The following BCOR variants were observed in gnomAD, a reference collection of about 807,000 sequenced individuals.
BCOR encodes the protein BCL6 corepressor.
BCOR carries 10 observed loss-of-function variants against 86.7 expected under a neutral mutation model. That is an observed-to-expected ratio of 0.12 (90% CI 0.07 to 0.20). The LOEUF (loss-of-function observed/expected upper bound fraction) is 0.20, where lower values mean the gene tolerates loss of function less well. Ranked by LOEUF, BCOR falls within the 10% of genes least tolerant of loss-of-function variation. The pLI, the probability that BCOR is intolerant of heterozygous loss-of-function variation, is 1.00. For missense variants in BCOR, 1,259 were observed against 1,452.1 expected, an observed-to-expected ratio of 0.87 and a Z score of 2.16; for synonymous variants, 611 against 609.0, an observed-to-expected ratio of 1.00 and a Z score of -0.05.
At chrX:40,152,544 G>A (rs1385351793) in intron 1 of BCOR, among the ~76,000 whole-genome samples, 2 of 113,056 alleles carry the variant, frequency 1.8e-5, no homozygotes, top group Non-Finnish European at 3.8e-5. Context: ...AAACAGCCGC[G>A]TGCACGCCCT....
At chrX:40,125,046 A>G (rs1937523751) in intron 1 of BCOR, among the ~76,000 whole-genome samples, 1 of 108,489 alleles carries the variant, frequency 9.2e-6, no homozygotes, top group African/African-American at 3.4e-5. Flanking sequence ...GTTGGGGAGG[A>G]GGGCATAAAA....
rs183417527 is a variant in BCOR, at chrX:40,069,645, G to A, written c.3238+1328C>T. ...TAGAAGCACCTTCCCCATCAACTCG[G>A]CCTTGCCCACTTCTCCCAGGTCCCT... On this transcript the variant is annotated intron_variant, in intron 6 of 14. Coordinates refer to ENST00000378444, the MANE Select transcript of BCOR (RefSeq NM_001123385.2). Among the ~76,000 whole-genome samples, 4 of 112,431 alleles carry A rather than the reference G, an allele frequency of 3.6e-5. No individual in the cohort carries two copies. In the East Asian group the frequency reaches 1.1e-3, roughly 32 times the overall value.
Position 40,052,068 on chromosome X carries a change from A to T in BCOR, c.*41T>A. 9.0e-7 allele frequency: 1 copy of T among 1,106,404 alleles called. No individual in the cohort carries two copies. Among genetic ancestry groups the T allele is most frequent in the Non-Finnish European group, 1.2e-6 (1 of 828,446 alleles). 91.2% of individuals were successfully genotyped at this position (1,106,404 alleles called of 1,213,427 possible). ...TGTATTATGACACATATGCACAAGGATTAACACTATAACACACTGTACATG... is the reference window on the plus strand; with the variant it reads ...TGTATTATGACACATATGCACAAGGTTTAACACTATAACACACTGTACATG... On this transcript the variant is annotated 3_prime_UTR_variant, in exon 15 of 15. Coordinates refer to ENST00000378444, the MANE Select transcript of BCOR (RefSeq NM_001123385.2).
chrX:40,061,155 C>A (rs751449902), intron 10 of BCOR, among the ~76,000 whole-genome samples: 23 of 110,906 alleles, frequency 2.1e-4, no homozygotes, highest in Non-Finnish European at 3.8e-4. Context: ...ATTTTCACCA[C>A]GACTCCTAGA....
chrX:40,055,317 C>T (rs1293844664), intron 12 of BCOR, 51 bp downstream of exon 12: 21 of 1,102,734 alleles, frequency 1.9e-5, no homozygotes, highest in Non-Finnish European at 2.5e-5. Context: ...TCTATTGTAT[C>T]GAGTTATCAT....
intron 13 of BCOR, 99 bp downstream of exon 13, chrX:40,054,157 T>C: frequency 9.1e-7 from 1 of 1,093,458 alleles, no homozygotes. Context: ...TGAGTCCTGC[T>C]TCCAGTGCCC....
At chrX:40,161,438 T>C (rs1337815201) in intron 1 of BCOR, among the ~76,000 whole-genome samples, 1 of 107,147 alleles carries the variant, frequency 9.3e-6, no homozygotes, top group African/African-American at 3.4e-5. Flanking sequence ...GACCTCGTGA[T>C]CCGCCCGCCT....
intron 1 of BCOR, among the ~76,000 whole-genome samples, chrX:40,136,278 G>A (rs1937680130): frequency 8.9e-6 from 1 of 112,161 alleles, no homozygotes; most frequent in South Asian, 3.7e-4. Context: ...TTCTAGACCA[G>A]TGAACCACAG....
chrX:40,054,269 G>A lies in BCOR; in HGVS notation c.4806C>T (p.Gly1602=), dbSNP rs1002602028. ...AATGCAGCTTACCACAAACAGAGCT[G>A]CCATAGAAGTCCCAAGTGCCACTGG... is the stretch of plus-strand genomic sequence containing the variant. The part of the protein sequence containing the change: ...DDASGTWDFY[G]SSVCEPDDES... The change falls in exon 13 of 15, where the codon GGC becomes GGT. Residue 1602 remains glycine, a synonymous_variant. Coordinates refer to ENST00000378444, the MANE Select transcript of BCOR (RefSeq NM_001123385.2). 1.7e-5 allele frequency: 21 copies of A among 1,208,362 alleles called. No individual in the cohort carries two copies. The highest frequency in any genetic ancestry group is 2.4e-5 in the Non-Finnish European group (21 of 893,109).
At chrX:40,080,815 CGTGTGTGTGTGTGT>C (rs533981374) in intron 1 of BCOR, among the ~76,000 whole-genome samples, 14,146 of 65,898 alleles carry the variant, frequency 0.21, 1,889 homozygotes, top group South Asian at 0.45. Context: ...GGTTCACTGT[CGTGTGTGTGTGTGT>C]GTGTGTGTGT....
rs1263790612 is a variant in BCOR, at chrX:40,073,457, T to C, written c.1889A>G (p.Glu630Gly). ...TATAGAGCTTGGTGGAAGGCCGTTCTCGTTTGCTTTGAAACTCGGTTCTGG... is the reference window on the plus strand; with the variant it reads ...TATAGAGCTTGGTGGAAGGCCGTTCCCGTTTGCTTTGAAACTCGGTTCTGG... Reference protein sequence around the residue: ...SNPEPSFKANENGLPPSSIFL... With the variant: ...SNPEPSFKANGNGLPPSSIFL... The change falls in exon 4 of 15, where the codon GAG becomes GGG. Residue 630 changes from glutamate to glycine, a missense_variant. Physicochemically the swap from Glu to Gly is moderately conservative, Grantham distance 98 (BLOSUM62 -2). This residue lies in a region of BCOR where 534 missense variants were observed against 594.8 expected (regional missense o/e 0.90). Coordinates refer to ENST00000378444, the MANE Select transcript of BCOR (RefSeq NM_001123385.2). 1 of 1,212,455 alleles carries C rather than the reference T, an allele frequency of 8.2e-7. No homozygotes were observed. Among genetic ancestry groups the C allele is most frequent in the Non-Finnish European group, 1.1e-6 (1 of 895,707 alleles).
intron 1 of BCOR, among the ~76,000 whole-genome samples, chrX:40,084,801 T>A (rs1378535053): frequency 9.1e-6 from 1 of 109,493 alleles, no homozygotes; most frequent in Non-Finnish European, 1.9e-5. Context: ...CAAAGGAACT[T>A]TTAATGCATA....
intron 12 of BCOR, 104 bp downstream of exon 12, chrX:40,055,264 C>T: frequency 4.7e-6 from 4 of 854,142 alleles, no homozygotes; most frequent in Non-Finnish European, 6.9e-6. Context: ...AAAAGCTTTA[C>T]AGTTTCAGCC....
rs1934303697 is a variant in BCOR, at chrX:40,051,651, A to G, written c.*458T>C. On this transcript the variant is annotated 3_prime_UTR_variant, in exon 15 of 15. Transcript: ENST00000378444. ...CATCCAATAGCATTTACCTGGCCCG[A>G]GCAGGTACTCTGTAAACAAAACAAA... The G allele has an allele frequency of 5.7e-6, 1 of 176,502 alleles. No homozygotes were observed. The highest frequency in any genetic ancestry group is 2.9e-5 in the African/African-American group (1 of 33,981). 14.5% of individuals were successfully genotyped at this position (176,502 alleles called of 1,213,427 possible).
chrX:40,109,157 GC>G (rs1430333894), intron 1 of BCOR, among the ~76,000 whole-genome samples: 12 of 112,215 alleles, frequency 1.1e-4, no homozygotes, highest in Non-Finnish European at 1.3e-4. Context: ...GAGGCCCGGA[GC>G]CGCAGATTAG....
chrX:40,096,669 C>T (rs1936891521), intron 1 of BCOR, among the ~76,000 whole-genome samples: 1 of 112,438 alleles, frequency 8.9e-6, no homozygotes, highest in Non-Finnish European at 1.9e-5. Flanking sequence ...CGACGTTCCA[C>T]TTGGAGGAAC....
intron 6 of BCOR, among the ~76,000 whole-genome samples, chrX:40,070,716 C>T (rs1935434843): frequency 1.8e-5 from 2 of 111,783 alleles, no homozygotes; most frequent in Non-Finnish European, 3.8e-5. Context: ...TAACCTGTCC[C>T]TGCACCTAAT....
intron 1 of BCOR, among the ~76,000 whole-genome samples, chrX:40,105,019 G>A (rs1197410181): frequency 9.0e-6 from 1 of 111,169 alleles, no homozygotes; most frequent in Non-Finnish European, 1.9e-5. Context: ...TGGGCCCGCG[G>A]GTAAGCTGAG....
intron 1 of BCOR, among the ~76,000 whole-genome samples, chrX:40,120,131 A>G (rs186737434): frequency 9.0e-6 from 1 of 111,565 alleles, no homozygotes; most frequent in East Asian, 2.8e-4. Context: ...TGGCAGCCCT[A>G]GGCATGGCCC....
Sources: allele counts gnomAD v4.1 joint callset (sites outside exome capture counted in the v4.1 genomes callset), GRCh38; gene constraint gnomAD v4.1.1; regional missense constraint gnomAD v4.1.1; transcripts MANE v1.5; gene names NCBI Gene and HGNC (gene_info 2026-07-23, HGNC 2026-07-21).